DYNC1I1: variants seen among roughly 807,000 people sequenced by gnomAD.
The protein encoded by DYNC1I1 is dynein cytoplasmic 1 intermediate chain 1.
A neutral mutation model predicts 86.6 loss-of-function variants in DYNC1I1; 43 were observed. That is an observed-to-expected ratio of 0.50 (90% CI 0.39 to 0.64). The LOEUF (loss-of-function observed/expected upper bound fraction) is 0.64. Ranked by LOEUF, DYNC1I1 falls within the 30% of genes least tolerant of loss-of-function variation. The pLI is 0.00. For missense variants in DYNC1I1, 604 were observed against 788.8 expected (o/e 0.77, Z 2.81); for synonymous variants, 262 against 283.7 (o/e 0.92, Z 0.77).
chr7:96,028,070 T>C lies in DYNC1I1; in HGVS notation c.970-105T>C, dbSNP rs1434803447. On this transcript the variant is annotated intron_variant, in intron 10 of 16. Coordinates refer to ENST00000447467, the MANE Select transcript of DYNC1I1 (RefSeq NM_001135556.2). ...CCAGCTTTAAATTATTTTTTTGTTT[T>C]CCAGGATGTGTTGAGTTTATGTGAT... 5 of 1,444,290 alleles carry C rather than the reference T, an allele frequency of 3.5e-6. No individual in the cohort carries two copies. In the African/African-American group the frequency reaches 4.2e-5, roughly 12 times the overall value. 89.5% of individuals were successfully genotyped at this position (1,444,290 alleles called of 1,614,324 possible). A position where few individuals can be genotyped will look rare whatever the true frequency, so the allele number is the denominator to read the frequency against.
intron 1 of DYNC1I1, among the ~76,000 whole-genome samples, chr7:95,780,418 C>T (rs1331268045): frequency 6.7e-6 from 1 of 149,338 alleles, no homozygotes; most frequent in Non-Finnish European, 1.5e-5. Context: ...CAGGCGCCCA[C>T]CACCACACCC....
chr7:95,804,368 G>A (rs1794655415), intron 1 of DYNC1I1: 1 of 1,277,456 alleles, frequency 7.8e-7, no homozygotes, highest in African/African-American at 1.5e-5. Flanking sequence ...TGGAAGTCAT[G>A]ATGATGGTTC....
At chr7:95,845,002 A>C (rs1789388217) in intron 5 of DYNC1I1, among the ~76,000 whole-genome samples, 1 of 152,224 alleles carries the variant, frequency 6.6e-6, no homozygotes. Context: ...AATTTATTCC[A>C]AAGTAGTTTG....
At chr7:96,077,411 T>G (rs1790379115) in intron 15 of DYNC1I1, among the ~76,000 whole-genome samples, 1 of 152,168 alleles carries the variant, frequency 6.6e-6, no homozygotes, top group Admixed American at 6.6e-5. Flanking sequence ...TGCTTTTAGC[T>G]ACAAGAATTC....
At chr7:95,977,165 T>A (rs1350366160) in intron 6 of DYNC1I1, among the ~76,000 whole-genome samples, 1 of 152,178 alleles carries the variant, frequency 6.6e-6, no homozygotes, top group Non-Finnish European at 1.5e-5. Flanking sequence ...GTGCTCCAGG[T>A]GGAAACATTT....
chr7:95,916,838 A>C (rs1195219113), intron 6 of DYNC1I1, among the ~76,000 whole-genome samples: 3 of 152,190 alleles, frequency 2.0e-5, no homozygotes, highest in Non-Finnish European at 4.4e-5. Flanking sequence ...AAAACATGGA[A>C]ATTATCTTAA....
At position 95,970,235 on chromosome 7, in the gene DYNC1I1, G is replaced by A. The variant is rs111499841; in HGVS notation, c.491-7277G>A. 7.6e-3 allele frequency among the ~76,000 whole-genome samples: 1,163 copies of A among 152,230 alleles called. 11 individuals are homozygous for A. The highest frequency in any genetic ancestry group is 0.027 in the African/African-American group (1,109 of 41,510). On this transcript the variant is annotated intron_variant, in intron 6 of 16. Coordinates refer to ENST00000447467, the MANE Select transcript of DYNC1I1 (RefSeq NM_001135556.2). ...CATCACACCCGCTGGCAACTGCGCC[G>A]ACCAAAGTCAGGTTCTCAACTGCTG...
intron 5 of DYNC1I1, among the ~76,000 whole-genome samples, chr7:95,837,241 T>G (rs1789123882): frequency 6.6e-6 from 1 of 152,076 alleles, no homozygotes. Flanking sequence ...GAGGTGTCAG[T>G]GTGCCCCTGC....
Position 95,870,006 on chromosome 7 carries a change from A to G in DYNC1I1, c.490+8A>G, listed in dbSNP as rs762351980. 6.2e-7 allele frequency: 1 copy of G among 1,605,764 alleles called. No homozygotes were observed. Among genetic ancestry groups the G allele is most frequent in the Admixed American group, 1.7e-5 (1 of 58,382 alleles). ...CCACGCATCAGTCTGAAGGTAAACT[A>G]TGTCTTTGGCTTACTTTCCATATTA... On this transcript the variant is annotated splice_region_variant and intron_variant, in intron 6 of 16. Coordinates refer to ENST00000447467, the MANE Select transcript of DYNC1I1 (RefSeq NM_001135556.2).
At chr7:96,011,804 A>G (rs542590913) in intron 10 of DYNC1I1, among the ~76,000 whole-genome samples, 1 of 152,320 alleles carries the variant, frequency 6.6e-6, no homozygotes, top group South Asian at 2.1e-4. Context: ...CACCAGTTAT[A>G]TATATGATAC....
intron 14 of DYNC1I1, among the ~76,000 whole-genome samples, chr7:96,046,624 A>G (rs1388850396): frequency 6.6e-6 from 1 of 152,228 alleles, no homozygotes; most frequent in Non-Finnish European, 1.5e-5. Context: ...AAGCCTGGAG[A>G]CAAGAAGCCC....
Position 95,953,920 on chromosome 7 carries a change from T to C in DYNC1I1, c.491-23592T>C, listed in dbSNP as rs185308301. The stretch of plus-strand genomic sequence containing the variant: ...TTCTATGCAGGCACAAACACCTTGG[T>C]TCAACACTTTGACCAGACGGCCCTG... On this transcript the variant is annotated intron_variant, in intron 6 of 16. Coordinates refer to ENST00000447467, the MANE Select transcript of DYNC1I1 (RefSeq NM_001135556.2). Among the ~76,000 whole-genome samples, 20 of 152,270 alleles carry C rather than the reference T, an allele frequency of 1.3e-4. No individual in the cohort carries two copies. The East Asian group carries it at 3.7e-3, about 28-fold the overall frequency.
At chr7:95,987,016 A>C (rs766401652) in intron 8 of DYNC1I1, 40 bp from the exon 9 acceptor site, 4 of 1,582,660 alleles carry the variant, frequency 2.5e-6, no homozygotes, top group South Asian at 2.2e-5. Context: ...AGCATAGAGA[A>C]AGAGCTCCAT....
chr7:95,783,906 C>T (rs1794061333), intron 1 of DYNC1I1, among the ~76,000 whole-genome samples: 1 of 152,146 alleles, frequency 6.6e-6, no homozygotes, highest in Admixed American at 6.5e-5. Flanking sequence ...TATCTACTTC[C>T]TAGTGTTGTG....
At chr7:95,792,508 G>A (rs1410819401) in intron 1 of DYNC1I1, among the ~76,000 whole-genome samples, 1 of 152,146 alleles carries the variant, frequency 6.6e-6, no homozygotes, top group Admixed American at 6.5e-5. Context: ...TCCCCTAGTT[G>A]CTACTCTTAG....
intron 1 of DYNC1I1, among the ~76,000 whole-genome samples, chr7:95,784,529 A>G (rs1327474816): frequency 2.0e-5 from 3 of 152,100 alleles, no homozygotes; most frequent in African/African-American, 7.2e-5. Flanking sequence ...AGTGGGGGCA[A>G]CTTGAGGTGA....
rs1207971712 is a variant in DYNC1I1, at chr7:95,941,780, T to G, written c.491-35732T>G. On this transcript the variant is annotated intron_variant, in intron 6 of 16. Coordinates refer to ENST00000447467, the MANE Select transcript of DYNC1I1 (RefSeq NM_001135556.2). ...CAAGTGAGGCAATGCCTTGCCCTGCTTCGGCTCACACACAGTGCACTGCAC... is the reference window on the plus strand; with the variant it reads ...CAAGTGAGGCAATGCCTTGCCCTGCGTCGGCTCACACACAGTGCACTGCAC... Among the ~76,000 whole-genome samples, 4 of 152,294 alleles carry G rather than the reference T, an allele frequency of 2.6e-5. No homozygotes were observed. In the East Asian group the frequency reaches 7.7e-4, roughly 29 times the overall value.
intron 2 of DYNC1I1, among the ~76,000 whole-genome samples, chr7:95,807,965 G>A (rs1413212474): frequency 6.6e-6 from 1 of 152,040 alleles, no homozygotes; most frequent in African/African-American, 2.4e-5. Flanking sequence ...TGGACATATG[G>A]TAGGCATTCA....
intron 6 of DYNC1I1, among the ~76,000 whole-genome samples, chr7:95,946,348 A>C (rs1792400588): frequency 6.6e-6 from 1 of 152,174 alleles, no homozygotes; most frequent in Non-Finnish European, 1.5e-5. Context: ...TTTAAGACAA[A>C]AAGATGTTCT....
Sources: gnomAD v4.1 joint callset for allele counts (sites outside exome capture counted in the v4.1 genomes callset) on GRCh38, gnomAD v4.1.1 for gene constraint, MANE v1.5 for transcripts, NCBI Gene and HGNC (gene_info 2026-07-23, HGNC 2026-07-21) for gene names.